CDC45: variants seen among roughly 807,000 people sequenced by gnomAD.
CDC45 encodes cell division control protein 45 homolog.
In CDC45, 54 loss-of-function variants were observed where a neutral mutation model predicts 77.8. That is an observed-to-expected ratio of 0.69 (90% CI 0.56 to 0.87). The LOEUF is 0.87. CDC45 is among the 40% of genes least tolerant of loss of function. The pLI is 0.00. For synonymous variants in CDC45, 260 were observed against 272.1 expected (o/e 0.96, Z 0.44); for missense variants, 649 against 721.6 (o/e 0.90, Z 1.15).
At position 19,492,251 on chromosome 22, in the gene CDC45, T is replaced by G. The variant is rs2146359778; in HGVS notation, c.487-2076T>G. On this transcript the variant is annotated intron_variant, in intron 5 of 18. Transcript: ENST00000263201. The stretch of plus-strand genomic sequence containing the variant: ...CCCACAAGTCCCAGAGGTTCTAGTT[T>G]TTTTGGTCTATTTTTTCTCGGTTGT... 2.0e-5 allele frequency among the ~76,000 whole-genome samples: 3 copies of G among 152,274 alleles called. No individual in the cohort carries two copies. The Middle Eastern group carries it at 0.01, about 518-fold the overall frequency.
At chr22:19,491,562 CCT>C (rs889826333) in intron 5 of CDC45, among the ~76,000 whole-genome samples, 15 of 152,044 alleles carry the variant, frequency 9.9e-5, no homozygotes, top group Non-Finnish European at 1.9e-4. Context: ...CATGAGAAAT[CCT>C]CTGTCATTCA....
rs1414073460 is a variant in CDC45, at chr22:19,482,727, T to C, written c.242T>C (p.Val81Ala). The change falls in exon 4 of 19, where the codon GTA (valine) becomes GCA (alanine). Residue 81 changes from valine to alanine, a missense_variant. Coordinates refer to ENST00000263201, the MANE Select transcript of CDC45 (RefSeq NM_003504.5). ...ATTCTCATAAACTGTGGAGCTAATG[T>C]AGACCTATTGGATATTCTTCAACCT... ...YFILINCGAN[V>A]DLLDILQPDE... 1 of 1,612,666 alleles carries C rather than the reference T, an allele frequency of 6.2e-7. No individual in the cohort carries two copies. Among genetic ancestry groups the C allele is most frequent in the Admixed American group, 1.7e-5 (1 of 60,030 alleles).
At chr22:19,481,230 A>C (rs1225894328) in intron 3 of CDC45, among the ~76,000 whole-genome samples, 185 bp downstream of exon 3, 3 of 152,286 alleles carry the variant, frequency 2.0e-5, no homozygotes, top group African/African-American at 4.8e-5. Flanking sequence ...AGCAAAATTG[A>C]CAGCAAAAAA....
At chr22:19,514,702 G>C in intron 13 of CDC45, 47 bp from the exon 14 acceptor site, 2 of 1,500,258 alleles carry the variant, frequency 1.3e-6, no homozygotes, top group South Asian at 2.6e-5. Flanking sequence ...ATTTTACCAA[G>C]AGTTCCTGAC....
At chr22:19,501,188 A>AG (rs1932890049) in intron 9 of CDC45, among the ~76,000 whole-genome samples, 1 of 151,982 alleles carries the variant, frequency 6.6e-6, no homozygotes. Flanking sequence ...TCAAAAAAAA[A>AG]CAAACCAAAA....
At position 19,507,863 on chromosome 22, in the gene CDC45, G is replaced by A. The variant is rs373976367; in HGVS notation, c.1054G>A (p.Gly352Arg). Reference protein sequence around the residue: ...EMIEESANKFGMKDMRVQTFS... With the variant: ...EMIEESANKFRMKDMRVQTFS... ...GATTGAAGAGTCTGCAAATAAATTT[G>A]GGTAAACACACATTTTTCTGGATTT... The change falls in exon 12 of 19, where the codon GGG (glycine) becomes AGG (arginine). Residue 352 changes from glycine to arginine, a missense_variant and splice_region_variant. Coordinates refer to ENST00000263201, the MANE Select transcript of CDC45 (RefSeq NM_003504.5). The A allele has an allele frequency of 6.3e-7, 1 of 1,590,710 alleles. No homozygotes were observed.
At chr22:19,505,244 A>T in intron 9 of CDC45, 118 bp from the exon 10 acceptor site, 1 of 1,179,870 alleles carries the variant, frequency 8.5e-7, no homozygotes, top group Non-Finnish European at 1.2e-6. Context: ...GCATGGGAAC[A>T]GCTCCTGTGG....
In CDC45 at chr22:19,508,566, TTTTGGG is replaced by T. The variant is rs750853449; in HGVS notation, c.1095_1100del (p.Gly366_Phe367del). 3 of 1,614,228 alleles carry T rather than the reference TTTTGGG, an allele frequency of 1.9e-6. No homozygotes were observed. Among genetic ancestry groups the T allele is most frequent in the Non-Finnish European group, 1.7e-6 (2 of 1,180,036 alleles). On this transcript the variant is annotated inframe_deletion, in exon 13 of 19. Transcript: ENST00000263201. ...TGCGCGTGCAGACTTTCAGCATTCA[TTTTGGG>T]TTCAAGCACAAGTTTCTGGCCAGCG...
chr22:19,484,085 C>A, intron 5 of CDC45, 80 bp downstream of exon 5: 1 of 1,404,962 alleles, frequency 7.1e-7, no homozygotes, highest in Non-Finnish European at 9.7e-7. Context: ...CCTGCCAGGC[C>A]AAGGTGTACT....
At chr22:19,487,386 C>T (rs1415130582) in intron 5 of CDC45, among the ~76,000 whole-genome samples, 1 of 151,168 alleles carries the variant, frequency 6.6e-6, no homozygotes, top group East Asian at 1.9e-4. Flanking sequence ...ATTAGCCAGG[C>T]ATGGTAGCAT....
chr22:19,485,258 TAAAC>T (rs1421054819), intron 5 of CDC45, among the ~76,000 whole-genome samples: 5 of 152,240 alleles, frequency 3.3e-5, no homozygotes, highest in African/African-American at 1.2e-4. Flanking sequence ...CTCTGACTAA[TAAAC>T]AAATATTTTT....
Position 19,519,044 on chromosome 22 carries a change from C to T in CDC45, c.*1+135C>T, listed in dbSNP as rs1933963619. On this transcript the variant is annotated intron_variant, in intron 18 of 18. Transcript: ENST00000263201. ...GAAGCAGGGTTCTTGAGATTGGAGC[C>T]AACACATTTTTCCCAAGCACATCTG... 3 of 716,644 alleles carry T rather than the reference C, an allele frequency of 4.2e-6. No homozygotes were observed. The South Asian group carries it at 4.9e-5, about 12-fold the overall frequency. 44.4% of individuals were successfully genotyped at this position (716,644 alleles called of 1,614,324 possible). A position where few individuals can be genotyped will look rare whatever the true frequency, so the allele number is the denominator to read the frequency against.
rs780695620 is a variant in CDC45 at position 19,514,802 on chromosome 22, G to A, written c.1271G>A (p.Arg424Gln). 7.4e-6 allele frequency: 12 copies of A among 1,613,928 alleles called. No homozygotes were observed. Among genetic ancestry groups the A allele is most frequent in the Middle Eastern group, 1.6e-4 (1 of 6,084 alleles). ...HGLELAKKQL[R>Q]ATQQTIASCL... ...CTGGAACTCGCCAAGAAGCAGCTGC[G>A]AGCCACCCAGCAGACCATTGCCAGC... is the stretch of plus-strand genomic sequence containing the variant. Residue 424 changes from arginine to glutamine, a missense_variant, in exon 14 of 19, where the codon CGA becomes CAA. Physicochemically the swap from Arg to Gln is conservative, Grantham distance 43 (BLOSUM62 1). Transcript: ENST00000263201.
intron 9 of CDC45, 70 bp from the exon 10 acceptor site, chr22:19,505,292 A>G: frequency 6.2e-7 from 1 of 1,603,366 alleles, no homozygotes; most frequent in Non-Finnish European, 8.5e-7. Context: ...GCGGGAATGG[A>G]GCCTAGGCTT....
Position 19,482,767 on chromosome 22 carries a change from A to T in CDC45, c.282A>T (p.Ile94=), listed in dbSNP as rs755271601. The part of the protein sequence containing the change: ...LDILQPDEDT[I]FFVCDTHRPV... ...TTCTTCAACCTGATGAAGACACTAT[A>T]TTCTTTGTGTGTGACACCCATAGGC... Residue 94 remains isoleucine, a synonymous_variant, in exon 4 of 19, where the codon ATA becomes ATT. Transcript: ENST00000263201. The T allele has an allele frequency of 6.2e-7, 1 of 1,612,624 alleles. No individual in the cohort carries two copies. Among genetic ancestry groups the T allele is most frequent in the Non-Finnish European group, 8.5e-7 (1 of 1,178,590 alleles).
intron 10 of CDC45, among the ~76,000 whole-genome samples, chr22:19,506,071 G>C (rs2146407834): frequency 6.6e-6 from 1 of 152,316 alleles, no homozygotes; most frequent in South Asian, 2.1e-4. Flanking sequence ...AGTAGAGGTA[G>C]GTTGGGGGCA....
chr22:19,506,827 G>T (rs745726695), intron 10 of CDC45, among the ~76,000 whole-genome samples: 2 of 152,126 alleles, frequency 1.3e-5, no homozygotes, highest in Admixed American at 1.3e-4. Flanking sequence ...CCAGCTATTC[G>T]GGAGGCTGAG....
intron 13 of CDC45, among the ~76,000 whole-genome samples, chr22:19,512,594 T>G (rs1435299304): frequency 1.3e-5 from 2 of 152,226 alleles, no homozygotes; most frequent in Non-Finnish European, 2.9e-5. Flanking sequence ...ATGGGTAGGC[T>G]TTAGACATTG....
At chr22:19,501,424 A>G (rs1230486076) in intron 9 of CDC45, among the ~76,000 whole-genome samples, 1 of 152,204 alleles carries the variant, frequency 6.6e-6, no homozygotes, top group Admixed American at 6.5e-5. Context: ...TTTCAAAGGC[A>G]TTAGAAAAGT....
Sources: allele counts gnomAD v4.1 joint callset (sites outside exome capture counted in the v4.1 genomes callset), GRCh38; gene constraint gnomAD v4.1.1; transcripts MANE v1.5; gene names NCBI Gene and HGNC (gene_info 2026-07-23, HGNC 2026-07-21).